SYCP1: variants seen among roughly 807,000 people sequenced by gnomAD.
SYCP1 encodes the protein cancer/testis antigen 8.
SYCP1 carries 64 observed loss-of-function variants against 153.1 expected under a neutral mutation model. That is an observed-to-expected ratio of 0.42 (90% CI 0.34 to 0.51). The LOEUF (loss-of-function observed/expected upper bound fraction) is 0.51. Among genes scored for constraint, SYCP1 ranks in the 20% least tolerant of loss-of-function variants. The probability of loss-of-function intolerance (pLI) is 0.06; values close to 1 mark genes in which losing one functional copy is unlikely to be tolerated. For missense variants in SYCP1, 997 were observed against 1,049.0 expected (o/e 0.95, Z 0.68); for synonymous variants, 384 against 341.8 (o/e 1.12, Z -1.36).
intron 10 of SYCP1, 120 bp from the exon 11 acceptor site, chr1:114,876,617 T>C (rs1665556242): frequency 2.3e-6 from 1 of 438,770 alleles, no homozygotes; most frequent in Non-Finnish European, 3.8e-6. Context: ...TACAAACTTT[T>C]AGAGTTTAAT....
rs553290090 is a variant in SYCP1, at chr1:114,936,554, G to T, written c.1927-7785G>T. 5.3e-5 allele frequency among the ~76,000 whole-genome samples: 8 copies of T among 152,246 alleles called. No individual in the cohort carries two copies. The South Asian group carries it at 1.7e-3, about 32-fold the overall frequency. On this transcript the variant is annotated intron_variant, in intron 23 of 31. Coordinates refer to ENST00000369522, the MANE Select transcript of SYCP1 (RefSeq NM_003176.4). ...CATAGTGTTGGAAGTTCTGGCCAGG[G>T]CAATCAGGCAGGAGAAAGAAATAAA...
At chr1:114,990,171 G>A (rs1395906398) in intron 30 of SYCP1, among the ~76,000 whole-genome samples, 1 of 151,868 alleles carries the variant, frequency 6.6e-6, no homozygotes, top group Non-Finnish European at 1.5e-5. Flanking sequence ...GATGCAGTTA[G>A]AAATCAATAA....
intron 23 of SYCP1, among the ~76,000 whole-genome samples, chr1:114,930,374 A>G (rs1008798184): frequency 6.6e-6 from 1 of 152,156 alleles, no homozygotes; most frequent in East Asian, 1.9e-4. Flanking sequence ...TCAAAAGTTG[A>G]TTATTTGAAA....
chr1:114,890,933 G>T (rs17032959), intron 15 of SYCP1, among the ~76,000 whole-genome samples: 5,139 of 152,148 alleles, frequency 0.034, 292 homozygotes, highest in African/African-American at 0.12. Flanking sequence ...GTTTCAGGAT[G>T]CATGTAAAGA....
At chr1:114,904,180 G>T (rs925308832) in intron 16 of SYCP1, among the ~76,000 whole-genome samples, 1 of 149,650 alleles carries the variant, frequency 6.7e-6, no homozygotes, top group Non-Finnish European at 1.5e-5. Flanking sequence ...GCAGTGGTGC[G>T]ATCTTGGCTC....
chr1:114,868,221 C>T (rs952270513), intron 8 of SYCP1, among the ~76,000 whole-genome samples: 1 of 151,834 alleles, frequency 6.6e-6, no homozygotes, highest in Non-Finnish European at 1.5e-5. Flanking sequence ...TCACTATAGC[C>T]TTGAACTCCT....
chr1:114,863,876 A>G (rs1425111722), intron 8 of SYCP1, among the ~76,000 whole-genome samples: 3 of 152,042 alleles, frequency 2.0e-5, no homozygotes. Context: ...ACAGGAACAG[A>G]AAACCAAACA....
At chr1:114,929,690 G>C (rs1669503214) in intron 23 of SYCP1, among the ~76,000 whole-genome samples, 1 of 151,912 alleles carries the variant, frequency 6.6e-6, no homozygotes, top group Non-Finnish European at 1.5e-5. Context: ...GTATATCTTT[G>C]CACCTAATAA....
At chr1:114,953,874 G>A (rs1256940788) in intron 27 of SYCP1, among the ~76,000 whole-genome samples, 1 of 152,038 alleles carries the variant, frequency 6.6e-6, no homozygotes, top group East Asian at 1.9e-4. Flanking sequence ...CACAGTTTGA[G>A]GAAAATTGAC....
chr1:114,923,329 T>C, intron 20 of SYCP1, 120 bp from the exon 21 acceptor site: 2 of 1,073,168 alleles, frequency 1.9e-6, no homozygotes, highest in East Asian at 6.2e-5. Flanking sequence ...GTATTCAGTT[T>C]TGGTTTTTTA....
chr1:114,875,707 T>C (rs559111472), intron 9 of SYCP1, among the ~76,000 whole-genome samples: 1 of 152,318 alleles, frequency 6.6e-6, no homozygotes, highest in East Asian at 1.9e-4. Flanking sequence ...GAAGTGTAAC[T>C]TTGGATTCAT....
At position 114,995,244 on chromosome 1, in the gene SYCP1, T is replaced by G; in HGVS notation, c.*225T>G. On this transcript the variant is annotated 3_prime_UTR_variant, in exon 32 of 32. Transcript: ENST00000369522. ...TAGATGATTATATATTGTTGTTACTTTTTCTTGTATTCATGAAAACTGTTT... is the reference window on the plus strand; with the variant it reads ...TAGATGATTATATATTGTTGTTACTGTTTCTTGTATTCATGAAAACTGTTT... 3.1e-6 allele frequency: 1 copy of G among 327,320 alleles called. No homozygotes were observed. Among genetic ancestry groups the G allele is most frequent in the Non-Finnish European group, 5.3e-6 (1 of 187,752 alleles). The allele number at this position is 327,320 out of a possible 1,614,324, so 20.3% of individuals were successfully genotyped here.
At chr1:114,919,980 T>C (rs946504505) in intron 20 of SYCP1, among the ~76,000 whole-genome samples, 1 of 152,032 alleles carries the variant, frequency 6.6e-6, no homozygotes, top group African/African-American at 2.4e-5. Context: ...TGTATTGTTT[T>C]CTTTAATTTC....
intron 27 of SYCP1, among the ~76,000 whole-genome samples, chr1:114,977,252 T>A (rs1286869408): frequency 6.6e-6 from 1 of 151,796 alleles, no homozygotes; most frequent in Non-Finnish European, 1.5e-5. Context: ...TCTCTCATTC[T>A]GTAATTTGTT....
At chr1:114,889,212 T>C (rs1266454289) in intron 15 of SYCP1, among the ~76,000 whole-genome samples, 5 of 152,184 alleles carry the variant, frequency 3.3e-5, no homozygotes, top group Non-Finnish European at 5.9e-5. Context: ...ATCCTTTGGG[T>C]ATATACCCAG....
chr1:114,984,785 C>G lies in SYCP1; in HGVS notation c.2620C>G (p.Pro874Ala). 6.6e-7 allele frequency: 1 copy of G among 1,513,418 alleles called. No homozygotes were observed. Among genetic ancestry groups the G allele is most frequent in the Non-Finnish European group, 8.8e-7 (1 of 1,131,368 alleles). 93.7% of individuals were successfully genotyped at this position (1,513,418 alleles called of 1,614,324 possible). Residue 874 changes from proline to alanine, a missense_variant, in exon 30 of 32, where the codon CCC becomes GCC. Pro to Ala is a conservative substitution (Grantham distance 27). This residue lies in a region of SYCP1 where 712 missense variants were observed against 682.9 expected (regional missense o/e 1.04). Coordinates refer to ENST00000369522, the MANE Select transcript of SYCP1 (RefSeq NM_003176.4). ...KLQQRENLNI[P>A]IEESKKKRKM... ...ACAGCAAAGAGAAAACTTGAATATA[C>G]CCATTGAAGAAAGTAAAAAAAAGAG...
chr1:114,926,257 T>C lies in SYCP1; in HGVS notation c.1801-21T>C, dbSNP rs1355921327. ...ACTGGTATACTGAATAAAATAGCTA[T>C]AATTTCTCACAATTTTTTAGTGTAA... On this transcript the variant is annotated intron_variant, in intron 21 of 31. Coordinates refer to ENST00000369522, the MANE Select transcript of SYCP1 (RefSeq NM_003176.4). The C allele has an allele frequency of 3.4e-6, 5 of 1,476,326 alleles. No homozygotes were observed. In the South Asian group the frequency reaches 4.3e-5, roughly 13 times the overall value. 91.5% of individuals were successfully genotyped at this position (1,476,326 alleles called of 1,614,324 possible). A position where few individuals can be genotyped will look rare whatever the true frequency, so the allele number is the denominator to read the frequency against.
chr1:114,984,823 T>G lies in SYCP1; in HGVS notation c.2658T>G (p.Phe886Leu), dbSNP rs1673392196. ...EESKKKRKMA[F>L]EFDINSDSSE... ...GTAAAAAAAAGAGAAAAATGGCCTT[T>G]GAATTTGATATTAATTCAGATAGTT... is the stretch of plus-strand genomic sequence containing the variant. Residue 886 changes from phenylalanine to leucine, a missense_variant, in exon 30 of 32, where the codon TTT (phenylalanine) becomes TTG (leucine). Coordinates refer to ENST00000369522, the MANE Select transcript of SYCP1 (RefSeq NM_003176.4). 1.3e-6 allele frequency: 2 copies of G among 1,492,452 alleles called. No homozygotes were observed. The highest frequency in any genetic ancestry group is 4.9e-5 in the East Asian group (2 of 40,956). The allele number at this position is 1,492,452 out of a possible 1,614,324, so 92.5% of individuals were successfully genotyped here. A position where few individuals can be genotyped will look rare whatever the true frequency, so the allele number is the denominator to read the frequency against.
At chr1:114,892,671 C>G (rs1666797727) in intron 15 of SYCP1, among the ~76,000 whole-genome samples, 2 of 152,114 alleles carry the variant, frequency 1.3e-5, no homozygotes, top group Admixed American at 6.5e-5. Context: ...GTAGCAGCTG[C>G]AGGAGCGGGA....
Sources: gnomAD v4.1 joint callset for allele counts (sites outside exome capture counted in the v4.1 genomes callset) on GRCh38, gnomAD v4.1.1 for gene constraint, gnomAD v4.1.1 regional missense constraint, MANE v1.5 for transcripts, NCBI Gene and HGNC (gene_info 2026-07-23, HGNC 2026-07-21) for gene names.